The following SPDYE12 variants were observed in gnomAD, a reference collection of about 807,000 sequenced individuals.
SPDYE12 encodes speedy/RINGO cell cycle regulator family member E12.
chr7:74,907,044 G>A, the SPDYE12 span: 5 of 1,572,104 alleles, frequency 3.2e-6, no homozygotes, highest in South Asian at 5.5e-5. Flanking sequence ...GGAAGTAGAA[G>A]ATGTTTTGTT....
At chr7:74,909,790 C>T in the SPDYE12 span, among the ~76,000 whole-genome samples, 2 of 150,486 alleles carry the variant, frequency 1.3e-5, no homozygotes, top group African/African-American at 2.4e-5. Flanking sequence ...GATGCAAATC[C>T]GAGAAGCCGG....
the SPDYE12 span, among the ~76,000 whole-genome samples, chr7:74,909,046 T>TTTTG: frequency 7.0e-6 from 1 of 143,746 alleles, no homozygotes; most frequent in African/African-American, 2.6e-5. Flanking sequence ...TTTTTTTTTT[T>TTTTG]TTTTGGCTTT....
chr7:74,906,241 A>G, the SPDYE12 span, among the ~76,000 whole-genome samples: 1 of 143,046 alleles, frequency 7.0e-6, no homozygotes, highest in Non-Finnish European at 1.5e-5. Context: ...GGTTAGCTGC[A>G]CAAGATGTAA....
At chr7:74,907,662 C>T in the SPDYE12 span, among the ~76,000 whole-genome samples, 70 of 150,486 alleles carry the variant, frequency 4.7e-4, no homozygotes, top group African/African-American at 1.3e-3. Context: ...ACCCAGGAGG[C>T]GGAGGTTGCA....
chr7:74,909,499 A>G, the SPDYE12 span: 1 of 1,483,492 alleles, frequency 6.7e-7, no homozygotes, highest in African/African-American at 1.4e-5. Context: ...ATATTGATGG[A>G]TAGGAGGCAG....
the SPDYE12 span, among the ~76,000 whole-genome samples, chr7:74,908,882 C>T: frequency 5.7e-4 from 85 of 149,294 alleles, 1 homozygote; most frequent in Middle Eastern, 3.4e-3. Flanking sequence ...AGGGTTTCAC[C>T]ATGTTAGCCA....
chr7:74,904,883 A>G, the SPDYE12 span, among the ~76,000 whole-genome samples: 4 of 149,316 alleles, frequency 2.7e-5, no homozygotes, highest in Non-Finnish European at 5.9e-5. Flanking sequence ...AAATAAACCA[A>G]TAAAATAGAT....
chr7:74,910,401 T>C, the SPDYE12 span, among the ~76,000 whole-genome samples: 1 of 149,896 alleles, frequency 6.7e-6, no homozygotes, highest in African/African-American at 2.4e-5. Flanking sequence ...CTCAAGACCA[T>C]GGGAGCTGGT....
chr7:74,908,009 G>A, the SPDYE12 span, among the ~76,000 whole-genome samples: 3 of 151,080 alleles, frequency 2.0e-5, no homozygotes, highest in East Asian at 5.8e-4. Flanking sequence ...GGAGTAATCA[G>A]GGGAGATGAC....
chr7:74,909,265 G>T, the SPDYE12 span, among the ~76,000 whole-genome samples: 1 of 150,744 alleles, frequency 6.6e-6, no homozygotes, highest in African/African-American at 2.4e-5. Flanking sequence ...TGTTGGCCAG[G>T]CTGGTCTCAA....
the SPDYE12 span, among the ~76,000 whole-genome samples, chr7:74,912,767 C>CTTTTT: frequency 3.4e-4 from 4 of 11,742 alleles, no homozygotes; most frequent in East Asian, 1.7e-3. Context: ...TCTTTTTTTT[C>CTTTTT]TTCTTTTTTT....
the SPDYE12 span, chr7:74,907,124 G>A: frequency 1.4e-6 from 2 of 1,475,380 alleles, 1 homozygote; most frequent in Non-Finnish European, 1.8e-6. Context: ...TTGCTGCTCA[G>A]GGGCACCACC....
the SPDYE12 span, among the ~76,000 whole-genome samples, chr7:74,909,807 G>A: frequency 6.7e-6 from 1 of 150,318 alleles, no homozygotes; most frequent in Non-Finnish European, 1.5e-5. Flanking sequence ...CCGGAGGAAG[G>A]GTTTTCGGTG....
chr7:74,908,563 C>T, the SPDYE12 span, among the ~76,000 whole-genome samples: 1 of 139,298 alleles, frequency 7.2e-6, no homozygotes, highest in Non-Finnish European at 1.6e-5. Context: ...GAGAGAAGAA[C>T]CGGAAACGTC....
chr7:74,909,694 G>A, the SPDYE12 span: 1 of 1,571,088 alleles, frequency 6.4e-7, no homozygotes, highest in Non-Finnish European at 8.7e-7. Context: ...GGTCTGGGGA[G>A]GGGCTGCCCA....
chr7:74,907,658 G>A, the SPDYE12 span, among the ~76,000 whole-genome samples: 78 of 150,712 alleles, frequency 5.2e-4, 2 homozygotes, highest in Middle Eastern at 3.4e-3. Context: ...GTGAACCCAG[G>A]AGGCGGAGGT....
the SPDYE12 span, among the ~76,000 whole-genome samples, chr7:74,914,828 C>T: frequency 2.2e-4 from 33 of 149,478 alleles, no homozygotes; most frequent in East Asian, 4.4e-3. Context: ...GAGGCGGGGA[C>T]AGCAGAATGG....
the SPDYE12 span, among the ~76,000 whole-genome samples, chr7:74,907,656 A>G: frequency 2.0e-5 from 3 of 150,686 alleles, no homozygotes; most frequent in East Asian, 1.9e-4. Context: ...GTGTGAACCC[A>G]GGAGGCGGAG....
the SPDYE12 span, among the ~76,000 whole-genome samples, chr7:74,908,661 CTTTTTTTTTTTTTT>C: frequency 1.0e-4 from 6 of 58,602 alleles, no homozygotes; most frequent in Admixed American, 2.9e-4. Flanking sequence ...GTTTTTTGTT[CTTTTTTTTTTTTTT>C]TTTTTTTTTT....
Sources: gnomAD v4.1 joint callset for allele counts (sites outside exome capture counted in the v4.1 genomes callset) on GRCh38, gnomAD v4.1.1 for gene constraint, MANE v1.5 for transcripts, NCBI Gene and HGNC (gene_info 2026-07-23, HGNC 2026-07-21) for gene names.